Variants in NPAS3 observed in about 807,000 individuals in gnomAD.
NPAS3 encodes neuronal PAS domain-containing protein 3.
In NPAS3, 14 loss-of-function variants were observed where a neutral mutation model predicts 73.1. The ratio of observed to expected loss-of-function variants is 0.19; its 90% CI spans 0.13 to 0.30. NPAS3 has a LOEUF of 0.30. NPAS3 is among the 10% of genes least tolerant of loss of function. The pLI is 1.00. For synonymous variants in NPAS3, 620 were observed against 541.5 expected (o/e 1.14, Z -2.01); for missense variants, 1,096 against 1,250.0 (o/e 0.88, Z 1.86).
chr14:33,396,692 T>C (rs1363523280), intron 4 of NPAS3, among the ~76,000 whole-genome samples: 1 of 152,160 alleles, frequency 6.6e-6, no homozygotes, highest in Non-Finnish European at 1.5e-5. Flanking sequence ...CCAATTTCCT[T>C]TGGAATTTTT....
At chr14:33,656,978 G>A (rs867213417) in intron 5 of NPAS3, among the ~76,000 whole-genome samples, 3 of 152,072 alleles carry the variant, frequency 2.0e-5, no homozygotes, top group Admixed American at 6.5e-5. Context: ...TCAACCTAAG[G>A]GTTCATCAGT....
intron 5 of NPAS3, among the ~76,000 whole-genome samples, chr14:33,626,319 T>C (rs1414663886): frequency 2.0e-5 from 3 of 152,222 alleles, no homozygotes; most frequent in Admixed American, 1.3e-4. Context: ...AAGAGGTCAC[T>C]GATTTCCCAA....
intron 1 of NPAS3, among the ~76,000 whole-genome samples, chr14:33,051,225 G>A (rs1053608985): frequency 2.1e-5 from 3 of 143,604 alleles, no homozygotes; most frequent in Admixed American, 1.4e-4. Context: ...AGTGAGCCGA[G>A]ATTGCGCCAT....
At chr14:33,774,483 C>T (rs2062751247) in exon 8 of NPAS3, 5 of 1,614,014 alleles carry the variant, frequency 3.1e-6, no homozygotes, top group Non-Finnish European at 2.5e-6. Context: ...GCCATATGTT[C>T]GTCACTCGAG....
intron 2 of NPAS3, among the ~76,000 whole-genome samples, chr14:33,087,002 C>A (rs2042046257): frequency 6.6e-6 from 1 of 151,486 alleles, no homozygotes; most frequent in South Asian, 2.1e-4. Flanking sequence ...AGGGACAAAG[C>A]CAAGAATTTT....
chr14:33,592,471 T>G (rs1454818544), intron 5 of NPAS3, among the ~76,000 whole-genome samples: 1 of 151,860 alleles, frequency 6.6e-6, no homozygotes, highest in East Asian at 1.9e-4. Flanking sequence ...GCTTTGGGAG[T>G]TCGGAGGAGG....
At chr14:33,575,010 CAGGAGG>C (rs2056377892) in intron 5 of NPAS3, among the ~76,000 whole-genome samples, 1 of 152,108 alleles carries the variant, frequency 6.6e-6, no homozygotes, top group Non-Finnish European at 1.5e-5. Flanking sequence ...TAATGCCAGG[CAGGAGG>C]AAAGCTCAAA....
At chr14:33,738,775 G>A (rs1221458174) in intron 7 of NPAS3, among the ~76,000 whole-genome samples, 1 of 152,126 alleles carries the variant, frequency 6.6e-6, no homozygotes, top group African/African-American at 2.4e-5. Flanking sequence ...CTGTTGTTTA[G>A]GCCTCACTGT....
intron 1 of NPAS3, among the ~76,000 whole-genome samples, chr14:33,052,671 A>G (rs1012393697): frequency 6.6e-5 from 10 of 152,132 alleles, no homozygotes; most frequent in African/African-American, 2.4e-4. Flanking sequence ...ACTGCCAGCA[A>G]GGGGAGCCAG....
At chr14:33,038,526 CACACATATAT>C (rs140701060) in intron 1 of NPAS3, among the ~76,000 whole-genome samples, 25,385 of 148,306 alleles carry the variant, frequency 0.17, 2,391 homozygotes, top group East Asian at 0.29. Context: ...TCTATATATA[CACACATATAT>C]ACACATATAT....
intron 3 of NPAS3, among the ~76,000 whole-genome samples, chr14:33,355,262 T>C (rs2045282615): frequency 6.6e-6 from 1 of 152,206 alleles, no homozygotes; most frequent in South Asian, 2.1e-4. Flanking sequence ...TGAATTTCAC[T>C]AGAGTTAGAT....
chr14:33,525,043 C>G (rs2053735653), intron 4 of NPAS3, among the ~76,000 whole-genome samples: 1 of 152,108 alleles, frequency 6.6e-6, no homozygotes, highest in South Asian at 2.1e-4. Context: ...CACAATTCAA[C>G]CCATAATAGT....
intron 4 of NPAS3, among the ~76,000 whole-genome samples, chr14:33,534,018 T>C (rs1008999310): frequency 2.6e-5 from 4 of 152,132 alleles, no homozygotes; most frequent in Admixed American, 1.3e-4. Flanking sequence ...TACCAAATCT[T>C]TTTGTCATTT....
chr14:33,018,684 A>G (rs1222011603), intron 1 of NPAS3, among the ~76,000 whole-genome samples: 2 of 152,232 alleles, frequency 1.3e-5, no homozygotes, highest in African/African-American at 4.8e-5. Flanking sequence ...TTCAAAAATG[A>G]TGACTATTTC....
chr14:33,385,864 T>A (rs2046754085), intron 4 of NPAS3, among the ~76,000 whole-genome samples: 2 of 152,296 alleles, frequency 1.3e-5, no homozygotes, highest in South Asian at 4.1e-4. Flanking sequence ...GTCTGGGTCT[T>A]TCTGCTAAGA....
intron 3 of NPAS3, among the ~76,000 whole-genome samples, chr14:33,314,727 T>G (rs897269622): frequency 6.6e-6 from 1 of 152,074 alleles, no homozygotes; most frequent in African/African-American, 2.4e-5. Flanking sequence ...ACAATTTGAA[T>G]AGGAAGGGAA....
chr14:33,658,499 A>G (rs1595377346), intron 5 of NPAS3, among the ~76,000 whole-genome samples: 2 of 152,298 alleles, frequency 1.3e-5, no homozygotes, highest in Admixed American at 1.3e-4. Flanking sequence ...CTCTACTTCC[A>G]TCAATAAAAC....
intron 5 of NPAS3, among the ~76,000 whole-genome samples, chr14:33,649,693 G>C (rs570831514): frequency 6.6e-6 from 1 of 152,178 alleles, no homozygotes; most frequent in East Asian, 1.9e-4. Context: ...TAAGAAGGAA[G>C]AAAGGCCAAA....
chr14:33,260,677 C>T (rs1468400131), intron 3 of NPAS3, among the ~76,000 whole-genome samples: 1 of 152,142 alleles, frequency 6.6e-6, no homozygotes, highest in Non-Finnish European at 1.5e-5. Context: ...TCACCGATAA[C>T]AGTTTTGTCC....
Sources: allele counts gnomAD v4.1 joint callset (sites outside exome capture counted in the v4.1 genomes callset), GRCh38; gene constraint gnomAD v4.1.1; transcripts MANE v1.5; gene names NCBI Gene and HGNC (gene_info 2026-07-23, HGNC 2026-07-21).